RNF207: variants seen among roughly 807,000 people sequenced by gnomAD.
RNF207 encodes the protein ring finger protein 207, also known as OTTHUMG00000001089.
Under a neutral mutation model 79.0 loss-of-function variants are expected in RNF207, and 72 were observed. The observed-to-expected ratio is 0.91, with a 90% CI of 0.75 to 1.11. The LOEUF is 1.11. Among genes scored for constraint, RNF207 ranks in the 50% least tolerant of loss-of-function variants. RNF207 has a pLI of 0.00. For missense variants in RNF207, 936 were observed against 855.8 expected (o/e 1.09, Z -1.17); for synonymous variants, 348 against 366.2 (o/e 0.95, Z 0.57).
chr1:6,217,367 CT>C lies in RNF207; in HGVS notation c.1653-919del, dbSNP rs1557594017. 6.6e-6 allele frequency among the ~76,000 whole-genome samples: 1 copy of C among 152,096 alleles called. No homozygotes were observed. The highest frequency in any genetic ancestry group is 1.9e-4 in the East Asian group (1 of 5,172). On this transcript the variant is annotated intron_variant, in intron 16 of 17. Transcript: ENST00000377939. The surrounding 1 kb of genome is among the most constrained non-coding windows in gnomAD (Gnocchi z 4.2). ...TTGGGCGACCTCATTCAGTCCCTGGCTTTAAGACCCCATCATGACGCAGACC... is the reference window on the plus strand; with the variant it reads ...TTGGGCGACCTCATTCAGTCCCTGGCTTAAGACCCCATCATGACGCAGACC...
chr1:6,213,190 C>T lies in RNF207; in HGVS notation c.1652+7C>T, dbSNP rs781046498. 1 of 1,582,084 alleles carries T rather than the reference C, an allele frequency of 6.3e-7. No homozygotes were observed. The highest frequency in any genetic ancestry group is 8.7e-7 in the Non-Finnish European group (1 of 1,152,744). ...AGGAGCGGCTGGAGCCCAGGTGAGG[C>T]CAAGGGGGTGTTCCCAGGGCCACTG... On this transcript the variant is annotated splice_region_variant and intron_variant, in intron 16 of 17. Transcript: ENST00000377939.
In RNF207 at chr1:6,210,952, T is replaced by G; in HGVS notation, c.1011+14T>G. Reference sequence around the variant, plus strand: ...CAGAGCAGCAAGGTGTGCAGTGGCCTGGGTGGGCCAGGGTCGGGGGCCCTG... The same window carrying G: ...CAGAGCAGCAAGGTGTGCAGTGGCCGGGGTGGGCCAGGGTCGGGGGCCCTG... On this transcript the variant is annotated intron_variant, in intron 11 of 17. Coordinates refer to ENST00000377939, the MANE Select transcript of RNF207 (RefSeq NM_207396.3). The G allele has an allele frequency of 1.9e-6, 3 of 1,602,390 alleles. No individual in the cohort carries two copies. Among genetic ancestry groups the G allele is most frequent in the Non-Finnish European group, 2.6e-6 (3 of 1,174,972 alleles).
chr1:6,209,856 G>T, intron 7 of RNF207, 68 bp from the exon 8 acceptor site: 2 of 1,504,712 alleles, frequency 1.3e-6, no homozygotes, highest in Non-Finnish European at 1.8e-6. Flanking sequence ...TGGGGTCCGG[G>T]GGGTAGGCAT....
intron 15 of RNF207, 78 bp from the exon 16 acceptor site, chr1:6,212,988 G>A (rs544829154): frequency 7.1e-4 from 698 of 978,002 alleles, no homozygotes; most frequent in Non-Finnish European, 1.0e-3. Context: ...GGATATTTAC[G>A]TGGTGCCTGG....
chr1:6,207,596 T>C lies in RNF207; in HGVS notation c.324+85T>C, dbSNP rs957603378. On this transcript the variant is annotated intron_variant, in intron 3 of 17. Coordinates refer to ENST00000377939, the MANE Select transcript of RNF207 (RefSeq NM_207396.3). This position sits in a 1 kb window ranked among gnomAD's most constrained non-coding sequence, Gnocchi z 4.5. ...TGCTTGCACATGCACTCAGCATGTCTTCAGAGGACGACCTGGCAGTGGATT... is the reference window on the plus strand; with the variant it reads ...TGCTTGCACATGCACTCAGCATGTCCTCAGAGGACGACCTGGCAGTGGATT... 62 of 1,424,852 alleles carry C rather than the reference T, an allele frequency of 4.4e-5. No individual in the cohort carries two copies. Among genetic ancestry groups the C allele is most frequent in the Non-Finnish European group, 5.4e-5 (56 of 1,042,226 alleles). 88.3% of individuals were successfully genotyped at this position (1,424,852 alleles called of 1,614,324 possible).
rs1668165167 is a variant in RNF207, at chr1:6,211,492, G to A, written c.1109+374G>A. On this transcript the variant is annotated intron_variant, in intron 12 of 17. Coordinates refer to ENST00000377939, the MANE Select transcript of RNF207 (RefSeq NM_207396.3). This position sits in a 1 kb window ranked among gnomAD's most constrained non-coding sequence, Gnocchi z 4.2. Reference sequence around the variant, plus strand: ...GGGGCCTGATTCCTGGACTCATCTGGAGAGGAGTTAGAAGAGATGCTGAAA... The same window carrying A: ...GGGGCCTGATTCCTGGACTCATCTGAAGAGGAGTTAGAAGAGATGCTGAAA... Among the ~76,000 whole-genome samples the A allele has an allele frequency of 6.6e-6, 1 of 152,174 alleles. No homozygotes were observed. Among genetic ancestry groups the A allele is most frequent in the African/African-American group, 2.4e-5 (1 of 41,444 alleles).
intron 3 of RNF207, chr1:6,208,198 C>T (rs1256415523): frequency 6.7e-6 from 1 of 149,550 alleles, no homozygotes; most frequent in Non-Finnish European, 1.4e-5. Context: ...ACTGCTCTTC[C>T]CCTCCCCCCG....
At chr1:6,212,889 A>G (rs1668231398) in intron 15 of RNF207, 156 bp downstream of exon 15, 1 of 791,296 alleles carries the variant, frequency 1.3e-6, no homozygotes, top group Non-Finnish European at 2.2e-6. Context: ...ACTGGCCTCA[A>G]ATGATGCATG....
At position 6,211,922 on chromosome 1, in the gene RNF207, G is replaced by A; in HGVS notation, c.1165G>A (p.Val389Ile). ...GACGGGGCCCCACTGCCCCTCCCCA[G>A]TAGGAAAGATGTCGGGGTCACCCGT... Reference protein sequence around the residue: ...ALTGPHCPSPVGKMSGSPVQK... With the variant: ...ALTGPHCPSPIGKMSGSPVQK... The change falls in exon 13 of 18, where the codon GTA becomes ATA. Residue 389 changes from valine (V) to isoleucine (I), a missense_variant. Coordinates refer to ENST00000377939, the MANE Select transcript of RNF207 (RefSeq NM_207396.3). This position sits in a 1 kb window ranked among gnomAD's most constrained non-coding sequence, Gnocchi z 4.2. The A allele has an allele frequency of 6.4e-7, 1 of 1,551,622 alleles. No individual in the cohort carries two copies. The highest frequency in any genetic ancestry group is 8.7e-7 in the Non-Finnish European group (1 of 1,147,664).
At position 6,212,368 on chromosome 1, in the gene RNF207, C is replaced by G; in HGVS notation, c.1434C>G (p.Ile478Met). 6.2e-7 allele frequency: 1 copy of G among 1,613,632 alleles called. No individual in the cohort carries two copies. The highest frequency in any genetic ancestry group is 8.5e-7 in the Non-Finnish European group (1 of 1,179,834). ...AGTCCCTGCAACTGGACGTGCAGAT[C>G]GCCTCGGAGCACGCCTCCTTAGAGG... Reference protein sequence around the residue: ...LHKSLQLDVQIASEHASLEGM... With the variant: ...LHKSLQLDVQMASEHASLEGM... The change falls in exon 14 of 18, where the codon ATC becomes ATG. Residue 478 changes from isoleucine to methionine, a missense_variant. Coordinates refer to ENST00000377939, the MANE Select transcript of RNF207 (RefSeq NM_207396.3).
chr1:6,208,902 T>C lies in RNF207; in HGVS notation c.346T>C (p.Cys116Arg), dbSNP rs1211845355. 4 of 1,533,006 alleles carry C rather than the reference T, an allele frequency of 2.6e-6. No individual in the cohort carries two copies. The highest frequency in any genetic ancestry group is 2.6e-6 in the Non-Finnish European group (3 of 1,144,968). The allele number at this position is 1,533,006 out of a possible 1,614,324, so 95.0% of individuals were successfully genotyped here. Residue 116 changes from cysteine (C) to arginine (R), a missense_variant, in exon 4 of 18, where the codon TGC becomes CGC. By Grantham distance (180) the Cys-to-Arg change is radical. Coordinates refer to ENST00000377939, the MANE Select transcript of RNF207 (RefSeq NM_207396.3). ...GCAGGACGTGGAGACCACGTACTTC[T>C]GCAACACGTGCGGACAGCCCCTATG... ...SEQDVETTYFCNTCGQPLCAR... is the reference protein window; with the variant it reads ...SEQDVETTYFRNTCGQPLCAR...
In RNF207 at chr1:6,210,397, C is replaced by G. The variant is rs761093083; in HGVS notation, c.901C>G (p.Leu301Val). 83 of 1,613,700 alleles carry G rather than the reference C, an allele frequency of 5.1e-5. No homozygotes were observed. Among genetic ancestry groups the G allele is most frequent in the Middle Eastern group, 1.7e-4 (1 of 6,036 alleles). The change falls in exon 10 of 18, where the codon CTC becomes GTC. Residue 301 changes from leucine to valine, a missense_variant. By Grantham distance (32) the Leu-to-Val change is conservative. Coordinates refer to ENST00000377939, the MANE Select transcript of RNF207 (RefSeq NM_207396.3). ...QVHLVICSSF[L>V]SLANKAEFLD... is the part of the protein sequence containing the mutation. ...CCACCTGGTCATCTGCTCCTCCTTC[C>G]TCAGCTTGGCCAACAAGGCTGAGTT...
chr1:6,217,758 G>A lies in RNF207; in HGVS notation c.1653-531G>A, dbSNP rs1668409939. ...TACCCCTCCAGCCGCCATGAAGCCA[G>A]GAGTCCTTTAGAAGTCTATGATTCC... On this transcript the variant is annotated intron_variant, in intron 16 of 17. Coordinates refer to ENST00000377939, the MANE Select transcript of RNF207 (RefSeq NM_207396.3). The surrounding 1 kb of genome is among the most constrained non-coding windows in gnomAD (Gnocchi z 4.2). 6.6e-6 allele frequency among the ~76,000 whole-genome samples: 1 copy of A among 152,162 alleles called. No individual in the cohort carries two copies. Among genetic ancestry groups the A allele is most frequent in the African/African-American group, 2.4e-5 (1 of 41,448 alleles).
At chr1:6,218,185 G>A in intron 16 of RNF207, 104 bp from the exon 17 acceptor site, 1 of 728,496 alleles carries the variant, frequency 1.4e-6, no homozygotes, top group Non-Finnish European at 2.4e-6. Context: ...ACGCTAGGTG[G>A]GTGCATGAGT....
Position 6,212,296 on chromosome 1 carries a change from G to A in RNF207, c.1362G>A (p.Lys454=). ...QVQELHRDLT[K]HHSLIKAEIM... is the part of the protein sequence containing the mutation. ...AGGAGCTGCACCGAGACCTCACCAA[G>A]CACCACTCGCTCATCAAGGCGGAGA... Residue 454 remains lysine, a synonymous_variant, in exon 14 of 18, where the codon AAG becomes AAA. Coordinates refer to ENST00000377939, the MANE Select transcript of RNF207 (RefSeq NM_207396.3). 6.2e-7 allele frequency: 1 copy of A among 1,613,964 alleles called. No individual in the cohort carries two copies. The highest frequency in any genetic ancestry group is 8.5e-7 in the Non-Finnish European group (1 of 1,179,990).
In RNF207 at chr1:6,207,243, A is replaced by G. The variant is rs1050843004; in HGVS notation, c.192-136A>G. 2 of 857,304 alleles carry G rather than the reference A, an allele frequency of 2.3e-6. No homozygotes were observed. Among genetic ancestry groups the G allele is most frequent in the Non-Finnish European group, 3.4e-6 (2 of 581,718 alleles). 53.1% of individuals were successfully genotyped at this position (857,304 alleles called of 1,614,324 possible). On this transcript the variant is annotated intron_variant, in intron 2 of 17. Coordinates refer to ENST00000377939, the MANE Select transcript of RNF207 (RefSeq NM_207396.3). This position sits in a 1 kb window ranked among gnomAD's most constrained non-coding sequence, Gnocchi z 4.5. ...AGGGTGAGTGCTGGCTGTGATATTT[A>G]TAGCAGACCCCAGAGCTGTGGTGCA...
At chr1:6,212,161 C>T (rs1668199694) in intron 13 of RNF207, 70 bp from the exon 14 acceptor site, 1 of 1,546,666 alleles carries the variant, frequency 6.5e-7, no homozygotes, top group Non-Finnish European at 8.8e-7. Flanking sequence ...GGGAGCCATT[C>T]CTCCACCAAG....
At position 6,210,309 on chromosome 1, in the gene RNF207, G is replaced by A. The variant is rs199849408; in HGVS notation, c.873+14G>A. On this transcript the variant is annotated intron_variant, in intron 9 of 17. Transcript: ENST00000377939. ...CCCACCCTGCAGGTACAGGGAGCTCGGGGTGCGGGTGGGTCCCTCCTCCTC... is the reference window on the plus strand; with the variant it reads ...CCCACCCTGCAGGTACAGGGAGCTCAGGGTGCGGGTGGGTCCCTCCTCCTC... The A allele has an allele frequency of 1.5e-4, 238 of 1,613,550 alleles. 1 individual carries two copies. The highest frequency in any genetic ancestry group is 5.5e-4 in the Admixed American group (33 of 59,980).
In RNF207 at chr1:6,209,028, G is replaced by A. The variant is rs1214651917; in HGVS notation, c.469+3G>A. ...CCGCGACGTGCCCCAGAAGTGCAGT[G>A]AGTGAGGCTTGCGGGGCCGGGGACT... On this transcript the variant is annotated splice_donor_region_variant and intron_variant, in intron 4 of 17. Coordinates refer to ENST00000377939, the MANE Select transcript of RNF207 (RefSeq NM_207396.3). The A allele has an allele frequency of 6.6e-7, 1 of 1,508,264 alleles. No homozygotes were observed. Among genetic ancestry groups the A allele is most frequent in the East Asian group, 2.5e-5 (1 of 40,034 alleles). 93.4% of individuals were successfully genotyped at this position (1,508,264 alleles called of 1,614,324 possible). A position where few individuals can be genotyped will look rare whatever the true frequency, so the allele number is the denominator to read the frequency against.
Sources: allele counts gnomAD v4.1 joint callset (sites outside exome capture counted in the v4.1 genomes callset), GRCh38; gene constraint gnomAD v4.1.1; non-coding constraint Gnocchi (gnomAD v3.1); transcripts MANE v1.5; gene names NCBI Gene and HGNC (gene_info 2026-07-23, HGNC 2026-07-21).